RTN1: variants seen among roughly 807,000 people sequenced by gnomAD.
RTN1 encodes reticulon-1.
A neutral mutation model predicts 65.5 loss-of-function variants in RTN1; 25 were observed. That is an observed-to-expected ratio of 0.38 (90% CI 0.28 to 0.53). The LOEUF is 0.53. Ranked by LOEUF, RTN1 falls within the 20% of genes least tolerant of loss-of-function variation. RTN1 has a pLI of 0.79. For synonymous variants in RTN1, 471 were observed against 447.6 expected (o/e 1.05, Z -0.66); for missense variants, 983 against 1,025.4 (o/e 0.96, Z 0.57).
intron 3 of RTN1, among the ~76,000 whole-genome samples, chr14:59,649,829 G>A (rs1408676076): frequency 6.6e-6 from 1 of 152,142 alleles, no homozygotes; most frequent in East Asian, 1.9e-4. Flanking sequence ...AACCATTGTG[G>A]AACACAGTGT....
chr14:59,718,593 C>T (rs1203525242), intron 3 of RTN1, among the ~76,000 whole-genome samples: 2 of 152,156 alleles, frequency 1.3e-5, no homozygotes, highest in African/African-American at 4.8e-5. Context: ...GTGTCAGCCA[C>T]CCAAACATCA....
At chr14:59,661,879 T>C (rs1012346839) in intron 3 of RTN1, among the ~76,000 whole-genome samples, 5 of 152,132 alleles carry the variant, frequency 3.3e-5, no homozygotes, top group South Asian at 2.1e-4. Flanking sequence ...CTATTCAACA[T>C]AGTGTTGGAA....
chr14:59,625,941 T>C (rs1301677852), intron 3 of RTN1, among the ~76,000 whole-genome samples: 1 of 152,146 alleles, frequency 6.6e-6, no homozygotes, highest in Non-Finnish European at 1.5e-5. Flanking sequence ...AATCCCCTTC[T>C]CCCCAGCTAA....
chr14:59,754,271 C>T (rs1451162814), intron 1 of RTN1, among the ~76,000 whole-genome samples: 1 of 152,114 alleles, frequency 6.6e-6, no homozygotes, highest in Non-Finnish European at 1.5e-5. Context: ...ATGAGGCAGA[C>T]AAATTCAGTA....
chr14:59,783,450 A>T (rs928043304), intron 1 of RTN1, among the ~76,000 whole-genome samples: 1 of 152,292 alleles, frequency 6.6e-6, no homozygotes, highest in South Asian at 2.1e-4. Context: ...ATGGAAGACA[A>T]AATAGCTGGG....
At position 59,869,584 on chromosome 14, in the gene RTN1, G is replaced by T. The variant is rs201181398; in HGVS notation, c.241+806C>A. 6.3e-3 allele frequency among the ~76,000 whole-genome samples: 830 copies of T among 132,540 alleles called. 16 individuals are homozygous for T. The highest frequency in any genetic ancestry group is 0.02 in the African/African-American group (762 of 37,414). The allele number at this position is 132,540 out of a possible 152,430, so 87.0% of individuals were successfully genotyped here. Reference sequence around the variant, plus strand: ...ACCCAGGGCAATTTCCGGGGTGGGGGGGGGGGGGCGCTTAGACTGCTGGTA... The same window carrying T: ...ACCCAGGGCAATTTCCGGGGTGGGGTGGGGGGGGCGCTTAGACTGCTGGTA... On this transcript the variant is annotated intron_variant, in intron 1 of 8. Transcript: ENST00000267484.
intron 3 of RTN1, among the ~76,000 whole-genome samples, chr14:59,704,152 C>T (rs1297476231): frequency 5.9e-5 from 9 of 152,126 alleles, no homozygotes; most frequent in Admixed American, 2.0e-4. Context: ...ATGAAAGTTA[C>T]GATCTTGGTC....
chr14:59,710,053 T>TC (rs1884384256), intron 3 of RTN1, among the ~76,000 whole-genome samples: 1 of 149,422 alleles, frequency 6.7e-6, no homozygotes. Context: ...TTCTTTTTTT[T>TC]TTTTTTTTTG....
At chr14:59,656,967 T>C (rs1004929614) in intron 3 of RTN1, among the ~76,000 whole-genome samples, 6 of 152,240 alleles carry the variant, frequency 3.9e-5, no homozygotes, top group Admixed American at 3.3e-4. Context: ...CACAGGAAAT[T>C]AGCATGATCC....
chr14:59,792,359 TCA>T (rs34220909), intron 1 of RTN1, among the ~76,000 whole-genome samples: 27,791 of 144,636 alleles, frequency 0.19, 3,150 homozygotes, highest in African/African-American at 0.33. Flanking sequence ...AGAAAAGACT[TCA>T]CACACACACA....
At chr14:59,815,334 G>C in intron 1 of RTN1, among the ~76,000 whole-genome samples, 1 of 152,140 alleles carries the variant, frequency 6.6e-6, no homozygotes, top group Middle Eastern at 3.2e-3. Flanking sequence ...AGCACACAGT[G>C]CAAGTGTCCC....
chr14:59,676,915 G>A (rs892572626), intron 3 of RTN1, among the ~76,000 whole-genome samples: 4 of 152,194 alleles, frequency 2.6e-5, no homozygotes, highest in African/African-American at 9.7e-5. Flanking sequence ...AGGTATGATG[G>A]TAGCCCAAAG....
chr14:59,811,752 G>GTA (rs1253782284), intron 1 of RTN1, among the ~76,000 whole-genome samples: 1 of 152,168 alleles, frequency 6.6e-6, no homozygotes, highest in Non-Finnish European at 1.5e-5. Flanking sequence ...GTTTCAACAT[G>GTA]TCTCCACTTA....
intron 3 of RTN1, among the ~76,000 whole-genome samples, chr14:59,702,598 A>C (rs1314998295): frequency 6.6e-6 from 1 of 152,000 alleles, no homozygotes; most frequent in Non-Finnish European, 1.5e-5. Context: ...AAATCTTGTG[A>C]GTTCTACCTT....
At chr14:59,823,582 G>A (rs1886980523) in intron 1 of RTN1, among the ~76,000 whole-genome samples, 1 of 152,020 alleles carries the variant, frequency 6.6e-6, no homozygotes, top group East Asian at 1.9e-4. Context: ...TTTCCTTAAG[G>A]ATGCTGAATA....
intron 1 of RTN1, among the ~76,000 whole-genome samples, chr14:59,775,864 T>A (rs1363861937): frequency 2.0e-5 from 3 of 152,024 alleles, no homozygotes; most frequent in Non-Finnish European, 2.9e-5. Context: ...ATAACTGAAA[T>A]AAAGAAGAGA....
intron 3 of RTN1, among the ~76,000 whole-genome samples, chr14:59,641,009 G>A (rs74648430): frequency 6.6e-6 from 1 of 152,006 alleles, no homozygotes; most frequent in Non-Finnish European, 1.5e-5. Flanking sequence ...TGCCCACACT[G>A]AAGTGCAGTG....
intron 3 of RTN1, among the ~76,000 whole-genome samples, chr14:59,693,716 T>G (rs544966277): frequency 7.9e-5 from 12 of 152,362 alleles, no homozygotes; most frequent in African/African-American, 2.6e-4. Context: ...TACTTTTTTG[T>G]ACAAGGTATG....
chr14:59,597,566 A>G (rs1021317296), intron 8 of RTN1, among the ~76,000 whole-genome samples: 5 of 152,284 alleles, frequency 3.3e-5, no homozygotes, highest in African/African-American at 4.8e-5. Context: ...TCAGTGGTCA[A>G]CAAAAGGGAG....
Sources: gnomAD v4.1 joint callset for allele counts (sites outside exome capture counted in the v4.1 genomes callset) on GRCh38, gnomAD v4.1.1 for gene constraint, MANE v1.5 for transcripts, NCBI Gene and HGNC (gene_info 2026-07-23, HGNC 2026-07-21) for gene names.